The following MGMT variants were observed in gnomAD, a reference collection of about 807,000 sequenced individuals.
The protein encoded by MGMT is methylated-DNA--protein-cysteine methyltransferase.
In MGMT, 14 loss-of-function variants were observed where a neutral mutation model predicts 15.9. That is an observed-to-expected ratio of 0.88 (90% CI 0.58 to 1.37). The LOEUF is 1.37. Among genes scored for constraint, MGMT ranks in the 40% most tolerant of loss-of-function variants. The probability of loss-of-function intolerance (pLI) is 0.00; values close to 1 mark genes in which losing one functional copy is unlikely to be tolerated. For missense variants in MGMT, 282 were observed against 268.1 expected, an observed-to-expected ratio of 1.05 and a Z score of -0.36; for synonymous variants, 130 against 118.2, an observed-to-expected ratio of 1.10 and a Z score of -0.65.
At position 129,769,667 on chromosome 10, in the gene MGMT, C is replaced by G. The variant is rs948973889; in HGVS notation, c.*2670C>G. Among the ~76,000 whole-genome samples the G allele has an allele frequency of 6.6e-6, 1 of 152,164 alleles. No individual in the cohort carries two copies. Among genetic ancestry groups the G allele is most frequent in the African/African-American group, 2.4e-5 (1 of 41,446 alleles). On this transcript the variant is annotated 3_prime_UTR_variant, in exon 5 of 5. Coordinates refer to ENST00000651593, the MANE Select transcript of MGMT (RefSeq NM_002412.5). ...GCAAAATAAGTTGCCTTTGGCCACG[C>G]AGGAGACTGAGTTTTGTGAGGGGTT...
At chr10:129,637,627 C>T (rs545210260) in intron 2 of MGMT, among the ~76,000 whole-genome samples, 34 of 152,248 alleles carry the variant, frequency 2.2e-4, no homozygotes, top group Middle Eastern at 3.4e-3. Context: ...CTCAGTACGT[C>T]GGAGCGTGAC....
rs139080820 is a variant in MGMT, at chr10:129,594,512, G to A, written c.125+58135G>A. ...CAGAGGGTACTGCTATGAGAAGCTG[G>A]ATCTTGGACATCTCTTTCAAATGCC... On this transcript the variant is annotated intron_variant, in intron 2 of 4. Coordinates refer to ENST00000651593, the MANE Select transcript of MGMT (RefSeq NM_002412.5). Among the ~76,000 whole-genome samples, 239 of 152,312 alleles carry A rather than the reference G, an allele frequency of 1.6e-3. 1 individual carries two copies. The highest frequency in any genetic ancestry group is 5.5e-3 in the African/African-American group (229 of 41,562).
intron 3 of MGMT, among the ~76,000 whole-genome samples, chr10:129,734,699 G>T (rs1373075806): frequency 6.6e-6 from 1 of 152,096 alleles, no homozygotes; most frequent in Non-Finnish European, 1.5e-5. Flanking sequence ...CTGTGGGTTT[G>T]TCATAGATAG....
chr10:129,475,840 CT>C (rs1300076021), intron 1 of MGMT, among the ~76,000 whole-genome samples: 1 of 152,252 alleles, frequency 6.6e-6, no homozygotes, highest in Admixed American at 6.5e-5. Flanking sequence ...AGTTAGTGTT[CT>C]TAAAGTTCAA....
chr10:129,646,754 A>ATATATTTTTTTTTTTTTT, intron 2 of MGMT, among the ~76,000 whole-genome samples: 1 of 86,678 alleles, frequency 1.2e-5, no homozygotes, highest in Admixed American at 1.2e-4. Context: ...ATATATATAT[A>ATATATTTTTTTTTTTTTT]TTTTCAGGGA....
At chr10:129,687,259 G>T (rs1457745633) in intron 2 of MGMT, among the ~76,000 whole-genome samples, 1 of 151,680 alleles carries the variant, frequency 6.6e-6, no homozygotes, top group Non-Finnish European at 1.5e-5. Context: ...CTAGACAGGT[G>T]TACAGTTACC....
chr10:129,690,783 T>TGGAGCTTGGGATTCAGCC (rs1236506450), intron 2 of MGMT, among the ~76,000 whole-genome samples: 1 of 152,158 alleles, frequency 6.6e-6, no homozygotes, highest in African/African-American at 2.4e-5. Context: ...CCAGATCGGC[T>TGGAGCTTGGGATTCAGCC]GGAGCTTGGG....
At chr10:129,640,191 G>A (rs1564745201) in intron 2 of MGMT, among the ~76,000 whole-genome samples, 1 of 150,698 alleles carries the variant, frequency 6.6e-6, no homozygotes, top group Admixed American at 6.6e-5. Flanking sequence ...TTCTCCTCCC[G>A]GGTTCAAGTG....
At chr10:129,631,743 G>C (rs1276508075) in intron 2 of MGMT, among the ~76,000 whole-genome samples, 1 of 152,162 alleles carries the variant, frequency 6.6e-6, no homozygotes, top group East Asian at 1.9e-4. Flanking sequence ...AAAATCTCTT[G>C]AGCCTGGGAG....
chr10:129,599,427 T>G (rs1846791285), intron 2 of MGMT, among the ~76,000 whole-genome samples: 1 of 152,228 alleles, frequency 6.6e-6, no homozygotes, highest in Non-Finnish European at 1.5e-5. Flanking sequence ...TTCAACCTAG[T>G]TTTTAGAATG....
At chr10:129,714,071 G>T (rs550781410) in intron 3 of MGMT, among the ~76,000 whole-genome samples, 16 of 152,332 alleles carry the variant, frequency 1.1e-4, no homozygotes, top group African/African-American at 3.6e-4. Flanking sequence ...GGGGCTCGCA[G>T]CCCCAGCATC....
rs867119590 is a variant in MGMT, at chr10:129,755,899, C to T, written c.275-3303C>T. 3.3e-5 allele frequency among the ~76,000 whole-genome samples: 5 copies of T among 152,300 alleles called. No homozygotes were observed. The South Asian group carries it at 1.0e-3, about 32-fold the overall frequency. ...CCAGGCTGGTCCCGGTCTGTGTCCTCCTGCCGTGCTCTGGTGTGTGTTGTC... is the reference window on the plus strand; with the variant it reads ...CCAGGCTGGTCCCGGTCTGTGTCCTTCTGCCGTGCTCTGGTGTGTGTTGTC... On this transcript the variant is annotated intron_variant, in intron 3 of 4. Transcript: ENST00000651593.
At chr10:129,701,954 A>AGATT (rs1839446349) in intron 2 of MGMT, 1 of 152,174 alleles carries the variant, frequency 6.6e-6, no homozygotes, top group African/African-American at 2.4e-5. Flanking sequence ...CTGTGCTCAT[A>AGATT]TGAGTTTGTG....
intron 3 of MGMT, among the ~76,000 whole-genome samples, chr10:129,737,941 C>A (rs1479921216): frequency 6.6e-6 from 1 of 152,206 alleles, no homozygotes; most frequent in Admixed American, 6.5e-5. Flanking sequence ...GCTGGGAGAA[C>A]CACTGCTCTC....
At chr10:129,676,847 G>A (rs1847791956) in intron 2 of MGMT, among the ~76,000 whole-genome samples, 1 of 152,086 alleles carries the variant, frequency 6.6e-6, no homozygotes, top group African/African-American at 2.4e-5. Flanking sequence ...ATTCTGTATA[G>A]CATAAAGCAG....
chr10:129,680,043 G>T (rs1469302875), intron 2 of MGMT, among the ~76,000 whole-genome samples: 1 of 152,232 alleles, frequency 6.6e-6, no homozygotes, highest in Non-Finnish European at 1.5e-5. Flanking sequence ...AGACAGGCGA[G>T]TGCTGTACAA....
chr10:129,588,325 G>A (rs1286719425), intron 2 of MGMT, among the ~76,000 whole-genome samples: 1 of 152,214 alleles, frequency 6.6e-6, no homozygotes, highest in Non-Finnish European at 1.5e-5. Context: ...GACCCATGGG[G>A]CGGATGAGAC....
intron 2 of MGMT, among the ~76,000 whole-genome samples, chr10:129,682,117 A>G (rs1564759625): frequency 1.3e-5 from 2 of 152,166 alleles, no homozygotes; most frequent in Admixed American, 6.5e-5. Context: ...CTGTTTCCAC[A>G]GGAACCGGAA....
intron 3 of MGMT, among the ~76,000 whole-genome samples, chr10:129,713,742 T>A (rs1848259562): frequency 6.6e-6 from 1 of 150,682 alleles, no homozygotes; most frequent in African/African-American, 2.4e-5. Context: ...TGGTGAGGGG[T>A]CTTCTGAGCT....
Sources: gnomAD v4.1 joint callset for allele counts (sites outside exome capture counted in the v4.1 genomes callset) on GRCh38, gnomAD v4.1.1 for gene constraint, MANE v1.5 for transcripts, NCBI Gene and HGNC (gene_info 2026-07-23, HGNC 2026-07-21) for gene names.